Variants in SLC22A23 observed in about 807,000 individuals in gnomAD.
SLC22A23 encodes solute carrier family 22 member 23.
SLC22A23 carries 26 observed loss-of-function variants against 61.0 expected under a neutral mutation model. The observed-to-expected ratio is 0.43, with a 90% CI of 0.31 to 0.59. The LOEUF (loss-of-function observed/expected upper bound fraction) is 0.59. SLC22A23 is among the 20% of genes least tolerant of loss of function. The pLI is 0.11. For synonymous variants in SLC22A23, 430 were observed against 413.9 expected (o/e 1.04, Z -0.47); for missense variants, 796 against 934.7 (o/e 0.85, Z 1.94).
At chr6:3,399,695 G>T (rs1029333701) in intron 3 of SLC22A23, among the ~76,000 whole-genome samples, 3 of 152,142 alleles carry the variant, frequency 2.0e-5, no homozygotes, top group Non-Finnish European at 4.4e-5. Context: ...TCTTGAAAAT[G>T]AGTACCACTA....
Position 3,357,194 on chromosome 6 carries a change from G to A in SLC22A23, c.914-33192C>T, listed in dbSNP as rs554775045. Among the ~76,000 whole-genome samples, 11 of 151,810 alleles carry A rather than the reference G, an allele frequency of 7.2e-5. 1 individual carries two copies. In the South Asian group the frequency reaches 2.3e-3, roughly 32 times the overall value. ...CAGGATTCCAATGCCATGGAAATAT[G>A]TATCATTGTTTTTGCCAAACAAACT... On this transcript the variant is annotated intron_variant, in intron 3 of 9. Transcript: ENST00000406686.
intron 3 of SLC22A23, among the ~76,000 whole-genome samples, chr6:3,347,426 C>T (rs905259421): frequency 5.9e-5 from 9 of 152,106 alleles, no homozygotes; most frequent in African/African-American, 1.7e-4. Context: ...AGCATCATCA[C>T]GGCTGACCTC....
At chr6:3,319,777 C>T (rs534910383) in intron 4 of SLC22A23, among the ~76,000 whole-genome samples, 1 of 152,262 alleles carries the variant, frequency 6.6e-6, no homozygotes, top group South Asian at 2.1e-4. Context: ...TCCTGGATGC[C>T]TCTGTGGGAG....
intron 1 of SLC22A23, among the ~76,000 whole-genome samples, chr6:3,453,885 G>C (rs1319601032): frequency 1.3e-5 from 2 of 152,170 alleles, no homozygotes; most frequent in Admixed American, 1.3e-4. Flanking sequence ...ACTCACCATA[G>C]TGTACATCCC....
intron 3 of SLC22A23, among the ~76,000 whole-genome samples, chr6:3,358,544 T>C (rs1765250742): frequency 6.6e-6 from 1 of 151,828 alleles, no homozygotes; most frequent in Admixed American, 6.6e-5. Context: ...AATCAAAGAG[T>C]GGGCTGATGG....
Position 3,327,086 on chromosome 6 carries a change from G to A in SLC22A23, c.914-3084C>T, listed in dbSNP as rs145044584. 5.1e-4 allele frequency among the ~76,000 whole-genome samples: 72 copies of A among 141,380 alleles called. No individual in the cohort carries two copies. Among genetic ancestry groups the A allele is most frequent in the African/African-American group, 1.6e-3 (56 of 35,222 alleles). 92.8% of individuals were successfully genotyped at this position (141,380 alleles called of 152,430 possible). On this transcript the variant is annotated intron_variant, in intron 3 of 9. Transcript: ENST00000406686. The surrounding 1 kb of genome is among the most constrained non-coding windows in gnomAD (Gnocchi z 4.1). ...GTGGATCGTTTCTGCTGGGAGGGACGGGGACTGCAGGTGGATAGTTTTTGC... is the reference window on the plus strand; with the variant it reads ...GTGGATCGTTTCTGCTGGGAGGGACAGGGACTGCAGGTGGATAGTTTTTGC...
At chr6:3,439,488 A>G in intron 1 of SLC22A23, 1 of 283,442 alleles carries the variant, frequency 3.5e-6, no homozygotes, top group Non-Finnish European at 7.0e-6. Context: ...GTTTAAAGAC[A>G]TAATCAACTC....
rs1760018355 is a variant in SLC22A23 at position 3,286,484 on chromosome 6, C to T, written c.1546+375G>A. On this transcript the variant is annotated intron_variant, in intron 7 of 9. Transcript: ENST00000406686. The surrounding 1 kb of genome is among the most constrained non-coding windows in gnomAD (Gnocchi z 4.2). ...GGAACATCTGCTGAAAAGCAGGGCC[C>T]TAATGCAAGGGTGACAAAACAGATT... 5.3e-5 allele frequency among the ~76,000 whole-genome samples: 8 copies of T among 152,236 alleles called. No individual in the cohort carries two copies. The South Asian group carries it at 1.7e-3, about 31-fold the overall frequency.
chr6:3,358,876 G>A (rs1482866446), intron 3 of SLC22A23, among the ~76,000 whole-genome samples: 1 of 152,172 alleles, frequency 6.6e-6, no homozygotes, highest in Non-Finnish European at 1.5e-5. Context: ...TGGAGGGATG[G>A]TGGGAACCTT....
At chr6:3,376,432 C>T (rs575433183) in intron 3 of SLC22A23, among the ~76,000 whole-genome samples, 10 of 152,248 alleles carry the variant, frequency 6.6e-5, no homozygotes, top group Non-Finnish European at 1.2e-4. Flanking sequence ...CTGCCCCCAC[C>T]GACATCCTGT....
intron 3 of SLC22A23, among the ~76,000 whole-genome samples, chr6:3,354,380 G>A (rs1464464930): frequency 3.9e-5 from 6 of 152,198 alleles, no homozygotes; most frequent in Non-Finnish European, 8.8e-5. Flanking sequence ...TTTACATGAG[G>A]TGGGTTGGGT....
At chr6:3,397,470 T>C (rs1768088249) in intron 3 of SLC22A23, among the ~76,000 whole-genome samples, 1 of 152,200 alleles carries the variant, frequency 6.6e-6, no homozygotes, top group South Asian at 2.1e-4. Context: ...TCTAGCAAAT[T>C]AGACAAGGTC....
intron 3 of SLC22A23, among the ~76,000 whole-genome samples, chr6:3,398,534 TCA>T (rs1335795106): frequency 2.0e-5 from 3 of 148,190 alleles, no homozygotes; most frequent in African/African-American, 7.5e-5. Flanking sequence ...CAGCCCTTAA[TCA>T]GAGACCCATT....
chr6:3,338,734 A>C (rs1469132140), intron 3 of SLC22A23, among the ~76,000 whole-genome samples: 1 of 152,222 alleles, frequency 6.6e-6, no homozygotes, highest in Non-Finnish European at 1.5e-5. Context: ...TAATTATGTG[A>C]TAATGTTTGT....
intron 1 of SLC22A23, among the ~76,000 whole-genome samples, chr6:3,455,386 C>T (rs1428460040): frequency 6.6e-6 from 1 of 152,214 alleles, no homozygotes; most frequent in African/African-American, 2.4e-5. Context: ...AGCCTAAAGT[C>T]AGATATCTTT....
In SLC22A23 at chr6:3,273,362, G is replaced by A. The variant is rs763899532; in HGVS notation, c.1754C>T (p.Thr585Met). 3.7e-6 allele frequency: 6 copies of A among 1,613,562 alleles called. No homozygotes were observed. The highest frequency in any genetic ancestry group is 5.1e-6 in the Non-Finnish European group (6 of 1,179,934). The change falls in exon 10 of 10, where the codon ACG becomes ATG. Residue 585 changes from threonine to methionine, a missense_variant. Physicochemically the swap from Thr to Met is moderately conservative, Grantham distance 81. Coordinates refer to ENST00000406686, the MANE Select transcript of SLC22A23 (RefSeq NM_015482.2). ...GTTGTGCAGCTCGATGATGGGTGCC[G>A]TCAGCATGCCGAAGCCCGCGCTGGC... The part of the protein sequence containing the change: ...VLASAGFGML[T>M]APIIELHNQK...
Position 3,399,569 on chromosome 6 carries a change from G to A in SLC22A23, c.913+10619C>T, listed in dbSNP as rs113198673. On this transcript the variant is annotated intron_variant, in intron 3 of 9. Transcript: ENST00000406686. Reference sequence around the variant, plus strand: ...AGGGCCAAGCCTATAGCTGTGTTACGGATAATGAGCAACGTCCTGAGTTAA... The same window carrying A: ...AGGGCCAAGCCTATAGCTGTGTTACAGATAATGAGCAACGTCCTGAGTTAA... Among the ~76,000 whole-genome samples the A allele has an allele frequency of 9.5e-4, 145 of 152,250 alleles. 2 individuals are homozygous for A. The Middle Eastern group carries it at 0.014, about 14-fold the overall frequency.
At position 3,297,658 on chromosome 6, in the gene SLC22A23, CAACAAATAGGTCATGGCCAGGTA is replaced by C. The variant is rs766383192; in HGVS notation, c.1210+410_1210+432del. ...TTCACCTTTCCTGTCTTCAGCTGCC[CAACAAATAGGTCATGGCCAGGTA>C]AAGACAATGGTGGCTCTCTGAAGGT... On this transcript the variant is annotated intron_variant, in intron 5 of 9. Transcript: ENST00000406686. This position sits in a 1 kb window ranked among gnomAD's most constrained non-coding sequence, Gnocchi z 4.3. 1.2e-4 allele frequency among the ~76,000 whole-genome samples: 18 copies of C among 152,176 alleles called. No individual in the cohort carries two copies. The highest frequency in any genetic ancestry group is 2.1e-4 in the Non-Finnish European group (14 of 68,030).
At chr6:3,434,690 A>AT (rs1561980159) in intron 1 of SLC22A23, among the ~76,000 whole-genome samples, 2 of 152,142 alleles carry the variant, frequency 1.3e-5, no homozygotes, top group African/African-American at 2.4e-5. Flanking sequence ...AGGAGCATCA[A>AT]TTTTTTGTTC....
Sources: gnomAD v4.1 joint callset for allele counts (sites outside exome capture counted in the v4.1 genomes callset) on GRCh38, gnomAD v4.1.1 for gene constraint, Gnocchi (gnomAD v3.1) non-coding constraint, MANE v1.5 for transcripts, NCBI Gene and HGNC (gene_info 2026-07-23, HGNC 2026-07-21) for gene names.